ZAN: variants seen among roughly 807,000 people sequenced by gnomAD.
ZAN encodes zonadhesin (gene/pseudogene).
A neutral mutation model predicts 286.2 loss-of-function variants in ZAN; 260 were observed. The ratio of observed to expected loss-of-function variants is 0.91; its 90% CI spans 0.82 to 1.01. The LOEUF (loss-of-function observed/expected upper bound fraction) is 1.01. Ranked by LOEUF, ZAN falls within the 50% of genes least tolerant of loss-of-function variation. ZAN has a pLI of 0.00. For synonymous variants in ZAN, 1,368 were observed against 1,417.5 expected (o/e 0.97, Z 0.79); for missense variants, 3,410 against 3,639.2 (o/e 0.94, Z 1.62).
intron 7 of ZAN, among the ~76,000 whole-genome samples, chr7:100,742,693 C>G (rs1239795750): frequency 3.8e-5 from 3 of 78,932 alleles, no homozygotes; most frequent in Admixed American, 2.5e-4. Context: ...AGCGAAACCC[C>G]GTCTCCACCA....
rs1024995787 is a variant in ZAN, at chr7:100,758,716, G to T, written c.3571+66G>T. 9.2e-6 allele frequency: 14 copies of T among 1,528,860 alleles called. No homozygotes were observed. In the African/African-American group the frequency reaches 1.8e-4, roughly 20 times the overall value. The allele number at this position is 1,528,860 out of a possible 1,614,324, so 94.7% of individuals were successfully genotyped here. On this transcript the variant is annotated intron_variant, in intron 17 of 47. Transcript: ENST00000613979. ...TGTGGGCAGCGCTGCTAGGCATGGG[G>T]CATGGTGGGTGGCAGGAAGGGGCAG...
rs1584645671 is a variant in ZAN, at chr7:100,797,783, T to A, written c.*51T>A. ...GACAAGAAGATTAAATAAATTTATA[T>A]ATTTATTTATTTGAGACAGGGTCTT... On this transcript the variant is annotated 3_prime_UTR_variant, in exon 48 of 48. Transcript: ENST00000613979. 6.3e-7 allele frequency: 1 copy of A among 1,575,528 alleles called. No individual in the cohort carries two copies. The highest frequency in any genetic ancestry group is 8.6e-7 in the Non-Finnish European group (1 of 1,158,434).
At position 100,783,831 on chromosome 7, in the gene ZAN, T is replaced by C. The variant is rs1323046508; in HGVS notation, c.6623-792T>C. ...ATATATATATACATATATATATATG[T>C]ATATTTTATTGAGATCACATTAAAT... On this transcript the variant is annotated intron_variant, in intron 35 of 47. Coordinates refer to ENST00000613979, the MANE Select transcript of ZAN (RefSeq NM_003386.3). Among the ~76,000 whole-genome samples, 5 of 124,054 alleles carry C rather than the reference T, an allele frequency of 4.0e-5. 1 individual carries two copies. The highest frequency in any genetic ancestry group is 8.2e-5 in the Non-Finnish European group (5 of 60,804). The allele number at this position is 124,054 out of a possible 152,430, so 81.4% of individuals were successfully genotyped here.
Position 100,750,878 on chromosome 7 carries a change from A to T in ZAN, c.1503A>T (p.Gly501=). ...WQNTSVTVPS[G]HQQPMQLIFK... is the part of the protein sequence containing the mutation. The stretch of plus-strand genomic sequence containing the variant: ...ACACCTCCGTCACCGTCCCCTCAGG[A>T]CACCAACAGCCCATGCAGGTGAGAG... The change falls in exon 12 of 48, where the codon GGA becomes GGT. Residue 501 remains glycine, a synonymous_variant. Coordinates refer to ENST00000613979, the MANE Select transcript of ZAN (RefSeq NM_003386.3). 6.4e-7 allele frequency: 1 copy of T among 1,558,306 alleles called. No homozygotes were observed. Among genetic ancestry groups the T allele is most frequent in the South Asian group, 1.2e-5 (1 of 81,286 alleles).
chr7:100,735,833 AC>A (rs1807257723), intron 3 of ZAN, 61 bp downstream of exon 3: 1 of 1,262,364 alleles, frequency 7.9e-7, no homozygotes, highest in African/African-American at 1.5e-5. Flanking sequence ...ACATTCTGCC[AC>A]CAGAATGCCA....
rs771926599 is a variant in ZAN, at chr7:100,789,203, G to C, written c.7228-15G>C. 2 of 1,610,938 alleles carry C rather than the reference G, an allele frequency of 1.2e-6. No individual in the cohort carries two copies. Among genetic ancestry groups the C allele is most frequent in the South Asian group, 2.2e-5 (2 of 90,820 alleles). On this transcript the variant is annotated splice_polypyrimidine_tract_variant and intron_variant, in intron 38 of 47. Transcript: ENST00000613979. Reference sequence around the variant, plus strand: ...GGATTCAGCCCTGTCTGTGGCTCCTGTCTTCCCTCTTTAGGTCAACAACCA... The same window carrying C: ...GGATTCAGCCCTGTCTGTGGCTCCTCTCTTCCCTCTTTAGGTCAACAACCA...
Position 100,748,398 on chromosome 7 carries a change from G to A in ZAN, c.1177G>A (p.Gly393Arg). 1 of 1,614,016 alleles carries A rather than the reference G, an allele frequency of 6.2e-7. No individual in the cohort carries two copies. Among genetic ancestry groups the A allele is most frequent in the Non-Finnish European group, 8.5e-7 (1 of 1,179,904 alleles). The change falls in exon 11 of 48, where the codon GGA (glycine) becomes AGA (arginine). Residue 393 changes from glycine to arginine, a missense_variant. Transcript: ENST00000613979. ...CTGGGTCCAGACTTCCGGGGATGGT[G>A]GACACTGGGCCCTCGGACATAAAAA... is the stretch of plus-strand genomic sequence containing the variant. ...CDWVQTSGDG[G>R]HWALGHKNGP...
chr7:100,772,982 G>T (rs138504771), intron 29 of ZAN, among the ~76,000 whole-genome samples: 1 of 149,604 alleles, frequency 6.7e-6, no homozygotes, highest in Non-Finnish European at 1.5e-5. Flanking sequence ...AGAGATTCTC[G>T]TGTCTCAGCC....
chr7:100,765,891 T>G lies in ZAN; in HGVS notation c.4470+337T>G, dbSNP rs536937019. 7.2e-5 allele frequency among the ~76,000 whole-genome samples: 11 copies of G among 152,260 alleles called. No homozygotes were observed. The South Asian group carries it at 1.7e-3, about 23-fold the overall frequency. ...CCAGGATGGTCTTGATCTCTTGACC[T>G]TGTGATCTGCCCACCTGGGCCTCCC... On this transcript the variant is annotated intron_variant, in intron 23 of 47. Transcript: ENST00000613979.
intron 45 of ZAN, 67 bp from the exon 46 acceptor site, chr7:100,797,299 A>T (rs1276994730): frequency 2.0e-6 from 3 of 1,465,912 alleles, no homozygotes; most frequent in Non-Finnish European, 2.8e-6. Context: ...CCCAAAAGGG[A>T]GTACCCCTCA....
intron 14 of ZAN, 146 bp from the exon 15 acceptor site, chr7:100,755,080 G>C: frequency 2.2e-6 from 2 of 920,770 alleles, no homozygotes; most frequent in African/African-American, 3.3e-5. Context: ...GTGAGCCACC[G>C]CACCCAGCCT....
intron 39 of ZAN, among the ~76,000 whole-genome samples, chr7:100,790,622 C>A (rs1189997984): frequency 6.6e-6 from 1 of 150,486 alleles, no homozygotes; most frequent in African/African-American, 2.4e-5. Context: ...GTGGCTCATG[C>A]CTGTAATCCC....
Position 100,751,921 on chromosome 7 carries a change from A to G in ZAN, c.1816A>G (p.Thr606Ala), listed in dbSNP as rs373525572. Reference sequence around the variant, plus strand: ...ACCCACCATCTCCACAGAAAAACCCACCATTCCTTCAGAAAAACCCAACAT... The same window carrying G: ...ACCCACCATCTCCACAGAAAAACCCGCCATTCCTTCAGAAAAACCCAACAT... ...EKPTISTEKP[T>A]IPSEKPNMPS... The change falls in exon 14 of 48, where the codon ACC (threonine) becomes GCC (alanine). Residue 606 changes from threonine (T) to alanine (A), a missense_variant. Coordinates refer to ENST00000613979, the MANE Select transcript of ZAN (RefSeq NM_003386.3). 5.5e-5 allele frequency: 88 copies of G among 1,613,292 alleles called. No homozygotes were observed. The African/African-American group carries it at 1.1e-3, about 19-fold the overall frequency.
At chr7:100,785,655 C>A (rs369739104) in intron 36 of ZAN, among the ~76,000 whole-genome samples, 360 of 149,754 alleles carry the variant, frequency 2.4e-3, no homozygotes, top group African/African-American at 8.7e-3. Context: ...CTCCCCTCTT[C>A]ACTCTTTTTT....
rs374803297 is a variant in ZAN at position 100,791,957 on chromosome 7, C to G, written c.7530-9C>G. 3.1e-4 allele frequency: 491 copies of G among 1,608,064 alleles called. 4 individuals are homozygous for G. In the African/African-American group the frequency reaches 5.9e-3, roughly 19 times the overall value. The stretch of plus-strand genomic sequence containing the variant: ...GCCTCACCTGACCCCGTGGCTGTCT[C>G]TACTGCAGGGCTATACCAGCGGAGG... On this transcript the variant is annotated splice_polypyrimidine_tract_variant and intron_variant, in intron 40 of 47. Coordinates refer to ENST00000613979, the MANE Select transcript of ZAN (RefSeq NM_003386.3).
intron 14 of ZAN, among the ~76,000 whole-genome samples, 184 bp downstream of exon 14, chr7:100,753,413 G>A (rs928060858): frequency 2.0e-5 from 3 of 152,240 alleles, no homozygotes; most frequent in Non-Finnish European, 4.4e-5. Context: ...TGCCCAGAGC[G>A]AGAGGGATGG....
chr7:100,745,368 G>A (rs61295962), intron 7 of ZAN, among the ~76,000 whole-genome samples: 2,217 of 151,754 alleles, frequency 0.015, 118 homozygotes, highest in African/African-American at 0.05. Flanking sequence ...CCTTGGACTC[G>A]GGCGTGAGCA....
At chr7:100,791,395 CCTCCTCCTCCTCCTTCTTCTT>C (rs1318419316) in intron 40 of ZAN, among the ~76,000 whole-genome samples, 1 of 151,656 alleles carries the variant, frequency 6.6e-6, no homozygotes, top group Non-Finnish European at 1.5e-5. Flanking sequence ...TCCTCCTTCT[CCTCCTCCTCCTCCTTCTTCTT>C]CTCCTCCTCC....
chr7:100,780,922 A>C (rs942747303), intron 35 of ZAN, among the ~76,000 whole-genome samples: 1 of 151,978 alleles, frequency 6.6e-6, no homozygotes, highest in African/African-American at 2.4e-5. Flanking sequence ...AGACCCCCGC[A>C]TCGCTACAAA....
Sources: gnomAD v4.1 joint callset for allele counts (sites outside exome capture counted in the v4.1 genomes callset) on GRCh38, gnomAD v4.1.1 for gene constraint, MANE v1.5 for transcripts, NCBI Gene and HGNC (gene_info 2026-07-23, HGNC 2026-07-21) for gene names.